Variants in MAP3K1 observed in about 807,000 individuals in gnomAD.
MAP3K1 encodes the protein MAP/ERK kinase kinase 1.
A neutral mutation model predicts 144.2 loss-of-function variants in MAP3K1; 36 were observed. The observed-to-expected ratio is 0.25, with a 90% CI of 0.19 to 0.33. MAP3K1 has a LOEUF of 0.33. MAP3K1 is among the 10% of genes least tolerant of loss of function. The pLI, the probability that MAP3K1 is intolerant of heterozygous loss-of-function variation, is 1.00. For synonymous variants in MAP3K1, 718 were observed against 688.7 expected (o/e 1.04, Z -0.67); for missense variants, 1,650 against 1,881.9 (o/e 0.88, Z 2.28).
At position 56,874,997 on chromosome 5, in the gene MAP3K1, C is replaced by A. The variant is rs545895915; in HGVS notation, c.1687-35C>A. 47 of 1,612,090 alleles carry A rather than the reference C, an allele frequency of 2.9e-5. No individual in the cohort carries two copies. In the Middle Eastern group the frequency reaches 5.0e-4, roughly 17 times the overall value. On this transcript the variant is annotated intron_variant, in intron 9 of 19. Transcript: ENST00000399503. ...AAATGCTCTGGGTCCATAAGCTTTT[C>A]TTTACATTGAATTCATCGTGTGTGT...
rs367954951 is a variant in MAP3K1 at position 56,883,701 on chromosome 5, A to G, written c.3819+22A>G. Reference sequence around the variant, plus strand: ...ACAGGTAAATATCTAGTGAGCATATAAATGAAATGACTCAAATCACAAAAT... The same window carrying G: ...ACAGGTAAATATCTAGTGAGCATATGAATGAAATGACTCAAATCACAAAAT... On this transcript the variant is annotated intron_variant, in intron 15 of 19. Transcript: ENST00000399503. The G allele has an allele frequency of 1.4e-5, 23 of 1,612,590 alleles. No individual in the cohort carries two copies. The African/African-American group carries it at 2.4e-4, about 17-fold the overall frequency.
At chr5:56,835,303 AG>A (rs1746613800) in intron 1 of MAP3K1, among the ~76,000 whole-genome samples, 1 of 151,378 alleles carries the variant, frequency 6.6e-6, no homozygotes, top group Admixed American at 6.6e-5. Context: ...GGCAGGGAAG[AG>A]GAGACAGGAA....
intron 6 of MAP3K1, among the ~76,000 whole-genome samples, chr5:56,868,108 A>T (rs1747732188): frequency 6.6e-6 from 1 of 152,200 alleles, no homozygotes; most frequent in South Asian, 2.1e-4. Flanking sequence ...AACTTTTTTT[A>T]AACTTTAAAT....
At chr5:56,818,489 T>C (rs1746051634) in intron 1 of MAP3K1, among the ~76,000 whole-genome samples, 1 of 152,128 alleles carries the variant, frequency 6.6e-6, no homozygotes, top group African/African-American at 2.4e-5. Context: ...ATGTAGAAAA[T>C]ATACTTTGAA....
chr5:56,886,833 C>CA (rs1270702166), intron 17 of MAP3K1, among the ~76,000 whole-genome samples: 1 of 152,120 alleles, frequency 6.6e-6, no homozygotes, highest in Non-Finnish European at 1.5e-5. Context: ...GCAAACTTGG[C>CA]ACACTGTAAC....
chr5:56,858,263 C>T (rs1475590049), intron 2 of MAP3K1, among the ~76,000 whole-genome samples: 2 of 152,144 alleles, frequency 1.3e-5, no homozygotes, highest in African/African-American at 4.8e-5. Flanking sequence ...TTGAGAATAC[C>T]GTAGGGCATA....
chr5:56,868,438 G>A (rs1747745420), intron 6 of MAP3K1, among the ~76,000 whole-genome samples: 1 of 152,042 alleles, frequency 6.6e-6, no homozygotes, highest in Non-Finnish European at 1.5e-5. Flanking sequence ...AGGCTGGAGT[G>A]CAGTGGCGTG....
intron 1 of MAP3K1, among the ~76,000 whole-genome samples, chr5:56,827,874 A>G (rs968923030): frequency 6.6e-6 from 1 of 151,812 alleles, no homozygotes; most frequent in Non-Finnish European, 1.5e-5. Context: ...CAAAAAAAAA[A>G]AAGAACCTGG....
Position 56,860,832 on chromosome 5 carries a change from G to A in MAP3K1, c.834+917G>A, listed in dbSNP as rs543921422. The stretch of plus-strand genomic sequence containing the variant: ...TACACCATTGCACTCCAGCCTGGGC[G>A]ACAACAGCGAAACTCCATCTCAAAA... On this transcript the variant is annotated intron_variant, in intron 3 of 19. Coordinates refer to ENST00000399503, the MANE Select transcript of MAP3K1 (RefSeq NM_005921.2). Among the ~76,000 whole-genome samples the A allele has an allele frequency of 5.3e-5, 8 of 151,180 alleles. No homozygotes were observed. In the East Asian group the frequency reaches 5.9e-4, roughly 11 times the overall value.
Position 56,874,688 on chromosome 5 carries a change from A to G in MAP3K1, c.1687-344A>G, listed in dbSNP as rs75718507. ...TTCTCTTTAAACTACCTTAATATGA[A>G]TACAGAGTTGAGGTTTTCACAGTTT... On this transcript the variant is annotated intron_variant, in intron 9 of 19. Coordinates refer to ENST00000399503, the MANE Select transcript of MAP3K1 (RefSeq NM_005921.2). Among the ~76,000 whole-genome samples, 14 of 152,218 alleles carry G rather than the reference A, an allele frequency of 9.2e-5. No individual in the cohort carries two copies. In the East Asian group the frequency reaches 2.5e-3, roughly 27 times the overall value.
chr5:56,876,638 A>G (rs1479747494), intron 10 of MAP3K1, among the ~76,000 whole-genome samples: 1 of 152,192 alleles, frequency 6.6e-6, no homozygotes, highest in Non-Finnish European at 1.5e-5. Flanking sequence ...CCTGGATTCA[A>G]ATTCTGGTTC....
intron 1 of MAP3K1, among the ~76,000 whole-genome samples, chr5:56,834,240 C>T (rs1186899846): frequency 6.6e-6 from 1 of 152,132 alleles, no homozygotes. Context: ...ACATACTTTC[C>T]TATGTGTATG....
At chr5:56,891,401 T>C (rs982966388) in intron 19 of MAP3K1, among the ~76,000 whole-genome samples, 1 of 151,910 alleles carries the variant, frequency 6.6e-6, no homozygotes, top group African/African-American at 2.4e-5. Flanking sequence ...TGATTAGGAG[T>C]GGATAGGTGA....
chr5:56,862,952 A>G (rs1229216762), intron 3 of MAP3K1, among the ~76,000 whole-genome samples: 1 of 152,226 alleles, frequency 6.6e-6, no homozygotes, highest in Non-Finnish European at 1.5e-5. Context: ...CCAATAAGAT[A>G]TCCTAGACCT....
chr5:56,834,192 C>T (rs1359620863), intron 1 of MAP3K1, among the ~76,000 whole-genome samples: 1 of 152,156 alleles, frequency 6.6e-6, no homozygotes, highest in Non-Finnish European at 1.5e-5. Flanking sequence ...TGGTTGGAAA[C>T]TTAAACACTG....
chr5:56,891,248 G>A (rs860579), intron 19 of MAP3K1, among the ~76,000 whole-genome samples: 5,440 of 151,516 alleles, frequency 0.036, 136 homozygotes, highest in Non-Finnish European at 0.052. Flanking sequence ...TCCTTTTTGT[G>A]GTGTGTAAGA....
At chr5:56,821,937 T>C (rs1252912725) in intron 1 of MAP3K1, among the ~76,000 whole-genome samples, 1 of 152,234 alleles carries the variant, frequency 6.6e-6, no homozygotes, top group Non-Finnish European at 1.5e-5. Context: ...CTTACTGTAG[T>C]GAGATTTTAA....
chr5:56,865,569 T>C, intron 5 of MAP3K1, 113 bp downstream of exon 5: 2 of 748,808 alleles, frequency 2.7e-6, no homozygotes, highest in Admixed American at 2.2e-5. Context: ...TGTGAAGGTA[T>C]GTAAGAATTA....
intron 6 of MAP3K1, among the ~76,000 whole-genome samples, chr5:56,866,633 T>C (rs919796716): frequency 1.2e-4 from 19 of 152,190 alleles, no homozygotes; most frequent in African/African-American, 4.3e-4. Context: ...TTCTATGTTA[T>C]TCCCGAAGTG....
Sources: gnomAD v4.1 joint callset for allele counts (sites outside exome capture counted in the v4.1 genomes callset) on GRCh38, gnomAD v4.1.1 for gene constraint, MANE v1.5 for transcripts, NCBI Gene and HGNC (gene_info 2026-07-23, HGNC 2026-07-21) for gene names.